The following NFIB variants were observed in gnomAD, a reference collection of about 807,000 sequenced individuals.
NFIB encodes nuclear factor I B.
In NFIB, 11 loss-of-function variants were observed where a neutral mutation model predicts 61.5. That is an observed-to-expected ratio of 0.18 (90% confidence interval 0.11 to 0.30). The LOEUF (loss-of-function observed/expected upper bound fraction) is 0.30. Ranked by LOEUF, NFIB falls within the 10% of genes least tolerant of loss-of-function variation. The pLI, the probability that NFIB is intolerant of heterozygous loss-of-function variation, is 1.00. For synonymous variants in NFIB, 260 were observed against 216.5 expected (o/e 1.20, Z -1.76); for missense variants, 471 against 608.9 (o/e 0.77, Z 2.38).
chr9:14,370,816 T>C (rs912257783), intron 1 of NFIB, among the ~76,000 whole-genome samples: 1 of 152,234 alleles, frequency 6.6e-6, no homozygotes, highest in Admixed American at 6.5e-5. Context: ...ATGTCCAGGC[T>C]GGGCACAGTG....
Position 14,389,243 on chromosome 9 carries a change from G to C in NFIB, c.108+9281C>G, listed in dbSNP as rs952175813. On this transcript the variant is annotated intron_variant, in intron 1 of 8. Transcript: ENST00000380934. Reference sequence around the variant, plus strand: ...TCACAACCACTTATCTTTTCCTGGTGCTCATGATTCTTTTGTTTTCTAGAA... The same window carrying C: ...TCACAACCACTTATCTTTTCCTGGTCCTCATGATTCTTTTGTTTTCTAGAA... Among the ~76,000 whole-genome samples, 7 of 152,128 alleles carry C rather than the reference G, an allele frequency of 4.6e-5. No homozygotes were observed. In the South Asian group the frequency reaches 1.5e-3, roughly 32 times the overall value.
intron 3 of NFIB, among the ~76,000 whole-genome samples, chr9:14,166,230 G>T (rs1470297488): frequency 6.6e-6 from 1 of 151,878 alleles, no homozygotes; most frequent in African/African-American, 2.4e-5. Context: ...ATACTTTCCT[G>T]TTCTTAATTT....
the NFIB span, among the ~76,000 whole-genome samples, chr9:14,438,256 C>A: frequency 6.6e-6 from 1 of 152,090 alleles, no homozygotes; most frequent in Non-Finnish European, 1.5e-5. Flanking sequence ...GCAGAGGAAG[C>A]CCAAGTCAAT....
At chr9:14,385,373 G>T (rs976058690) in intron 1 of NFIB, among the ~76,000 whole-genome samples, 1 of 152,152 alleles carries the variant, frequency 6.6e-6, no homozygotes, top group African/African-American at 2.4e-5. Context: ...GTGAAAATTT[G>T]TGGCCAGTTA....
At chr9:14,308,363 C>T (rs1793893359) in intron 1 of NFIB, among the ~76,000 whole-genome samples, 1 of 152,160 alleles carries the variant, frequency 6.6e-6, no homozygotes, top group Non-Finnish European at 1.5e-5. Context: ...CCTGCTTTCT[C>T]ACACACACTC....
At chr9:14,283,840 C>T (rs1293130706) in intron 2 of NFIB, among the ~76,000 whole-genome samples, 3 of 152,168 alleles carry the variant, frequency 2.0e-5, no homozygotes, top group Non-Finnish European at 2.9e-5. Context: ...AAAGAAGAAA[C>T]ATTTACAGTA....
At chr9:14,289,829 C>T (rs183132970) in intron 2 of NFIB, among the ~76,000 whole-genome samples, 1 of 152,002 alleles carries the variant, frequency 6.6e-6, no homozygotes, top group Non-Finnish European at 1.5e-5. Context: ...TTCTTCCAAC[C>T]TTATTTGTGG....
intron 6 of NFIB, among the ~76,000 whole-genome samples, chr9:14,128,485 G>A (rs976569693): frequency 6.6e-6 from 1 of 152,036 alleles, no homozygotes; most frequent in Non-Finnish European, 1.5e-5. Context: ...ATCGCCTGAG[G>A]TGAGGAGTTC....
At chr9:14,426,860 A>G in the NFIB span, among the ~76,000 whole-genome samples, 1 of 152,170 alleles carries the variant, frequency 6.6e-6, no homozygotes, top group African/African-American at 2.4e-5. Flanking sequence ...CTCAAGTTGT[A>G]AAATGGTGCT....
the NFIB span, among the ~76,000 whole-genome samples, chr9:14,507,210 T>C: frequency 2.6e-5 from 4 of 152,220 alleles, no homozygotes; most frequent in African/African-American, 9.6e-5. Flanking sequence ...CTTTTTAGCA[T>C]CCAAAGTTCT....
At chr9:14,182,708 C>CTCTCTCTGTGTGTGTGTG (rs778914837) in intron 2 of NFIB, among the ~76,000 whole-genome samples, 7 of 97,000 alleles carry the variant, frequency 7.2e-5, no homozygotes, top group African/African-American at 2.2e-4. Flanking sequence ...CTCTCTCTCT[C>CTCTCTCTGTGTGTGTGTG]TGTGTGTGTG....
At chr9:14,377,551 A>G (rs923433189) in intron 1 of NFIB, among the ~76,000 whole-genome samples, 2 of 152,194 alleles carry the variant, frequency 1.3e-5, no homozygotes, top group Admixed American at 1.3e-4. Flanking sequence ...TATACCCAGT[A>G]CATTAAAAGA....
chr9:14,165,091 T>G (rs970809626), intron 3 of NFIB, among the ~76,000 whole-genome samples: 1 of 152,182 alleles, frequency 6.6e-6, no homozygotes, highest in Non-Finnish European at 1.5e-5. Flanking sequence ...CTTAAAAATT[T>G]GACAATCCTA....
At chr9:14,322,181 G>T in intron 1 of NFIB, 3 of 1,151,214 alleles carry the variant, frequency 2.6e-6, no homozygotes, top group Non-Finnish European at 3.3e-6. Context: ...AAGAAAAGGC[G>T]GTCAAAGTCA....
At chr9:14,358,285 G>T (rs1588363787) in intron 1 of NFIB, among the ~76,000 whole-genome samples, 1 of 150,220 alleles carries the variant, frequency 6.7e-6, no homozygotes, top group Non-Finnish European at 1.5e-5. Flanking sequence ...AAATAAAACT[G>T]CTAAAAACTA....
At chr9:14,456,144 G>T in the NFIB span, among the ~76,000 whole-genome samples, 1 of 151,712 alleles carries the variant, frequency 6.6e-6, no homozygotes, top group East Asian at 1.9e-4. Context: ...TCAAATATTG[G>T]TGATTTCATA....
chr9:14,227,919 T>A (rs185201667), intron 2 of NFIB, among the ~76,000 whole-genome samples: 2 of 152,354 alleles, frequency 1.3e-5, no homozygotes, highest in African/African-American at 4.8e-5. Flanking sequence ...TATTATGGTG[T>A]TAATTTAAAT....
the NFIB span, among the ~76,000 whole-genome samples, chr9:14,510,315 G>C: frequency 1.3e-5 from 2 of 152,160 alleles, no homozygotes; most frequent in Non-Finnish European, 2.9e-5. Context: ...GATGAACATG[G>C]GCTGGGACAA....
At chr9:14,375,327 G>A (rs1299841906) in intron 1 of NFIB, among the ~76,000 whole-genome samples, 1 of 152,166 alleles carries the variant, frequency 6.6e-6, no homozygotes, top group Admixed American at 6.5e-5. Flanking sequence ...ACCCCTCCTA[G>A]CTTAGTTAGT....
Sources: allele counts gnomAD v4.1 joint callset (sites outside exome capture counted in the v4.1 genomes callset), GRCh38; gene constraint gnomAD v4.1.1; transcripts MANE v1.5; gene names NCBI Gene and HGNC (gene_info 2026-07-23, HGNC 2026-07-21).